The following LARGE1 variants were observed in gnomAD, a reference collection of about 807,000 sequenced individuals.
The protein encoded by LARGE1 is LARGE xylosyl- and glucuronyltransferase 1.
In LARGE1, 43 loss-of-function variants were observed where a neutral mutation model predicts 87.6. The observed-to-expected ratio is 0.49, with a 90% confidence interval of 0.38 to 0.63. LARGE1 has a LOEUF of 0.63. LARGE1 is among the 30% of genes least tolerant of loss of function. The pLI, the probability that LARGE1 is intolerant of heterozygous loss-of-function variation, is 0.00. For synonymous variants in LARGE1, 434 were observed against 394.6 expected (o/e 1.10, Z -1.18); for missense variants, 802 against 1,000.2 (o/e 0.80, Z 2.67).
chr22:33,344,223 C>T (rs1017294750), intron 9 of LARGE1, among the ~76,000 whole-genome samples: 1 of 152,178 alleles, frequency 6.6e-6, no homozygotes, highest in East Asian at 1.9e-4. Flanking sequence ...TCAGTTTTAA[C>T]CATCACACTC....
chr22:33,433,792 G>A (rs182077286), intron 6 of LARGE1, among the ~76,000 whole-genome samples: 4 of 152,200 alleles, frequency 2.6e-5, no homozygotes, highest in South Asian at 2.1e-4. Flanking sequence ...AAGCCCATCC[G>A]CACTTAAGAA....
At chr22:33,561,313 C>T (rs757478342) in intron 6 of LARGE1, among the ~76,000 whole-genome samples, 4 of 152,298 alleles carry the variant, frequency 2.6e-5, no homozygotes, top group East Asian at 1.9e-4. Context: ...TTCTCTGGTA[C>T]GCCAGGGAGA....
At chr22:33,703,398 C>T (rs1603206078) in intron 2 of LARGE1, among the ~76,000 whole-genome samples, 2 of 150,708 alleles carry the variant, frequency 1.3e-5, no homozygotes, top group Non-Finnish European at 3.0e-5. Flanking sequence ...TAGAGAGACA[C>T]ATCATGATAG....
intron 1 of LARGE1, among the ~76,000 whole-genome samples, chr22:33,836,680 G>C (rs565949342): frequency 3.9e-4 from 60 of 152,152 alleles, no homozygotes; most frequent in African/African-American, 1.4e-3. Context: ...AGCCACCTGG[G>C]TTCAAGCCTC....
chr22:33,471,987 T>C (rs546003238), intron 6 of LARGE1, among the ~76,000 whole-genome samples: 1 of 151,636 alleles, frequency 6.6e-6, no homozygotes, highest in Non-Finnish European at 1.5e-5. Flanking sequence ...GAGGTGGAGG[T>C]TGCAGTGAGC....
the LARGE1 span, among the ~76,000 whole-genome samples, chr22:33,108,293 T>C: frequency 1.3e-5 from 2 of 152,078 alleles, no homozygotes; most frequent in Admixed American, 6.5e-5. Context: ...GAAAGAAAAA[T>C]GGCTAAACAT....
chr22:33,291,022 G>A (rs1932442783), intron 12 of LARGE1, among the ~76,000 whole-genome samples: 1 of 151,074 alleles, frequency 6.6e-6, no homozygotes. Flanking sequence ...CTGGGCAACA[G>A]AGCGAGACTC....
downstream of LARGE1, among the ~76,000 whole-genome samples, chr22:33,270,011 A>G (rs1928164956): frequency 6.6e-6 from 1 of 151,972 alleles, no homozygotes. Context: ...TCTCAAAAAA[A>G]AAAAAAAAAG....
chr22:33,921,761 C>T (rs1055088509), upstream of LARGE1, among the ~76,000 whole-genome samples: 9 of 152,122 alleles, frequency 5.9e-5, no homozygotes, highest in African/African-American at 2.4e-5. This position sits in a 1 kb window ranked among gnomAD's most constrained non-coding sequence, Gnocchi z 4.1. Context: ...GCGCAACATC[C>T]CTTGAATGGA....
At chr22:33,196,900 C>T (rs1924112376) in intron 11 of LARGE1, among the ~76,000 whole-genome samples, 1 of 152,122 alleles carries the variant, frequency 6.6e-6, no homozygotes, top group Non-Finnish European at 1.5e-5. Flanking sequence ...CTACTCATGA[C>T]TAGCATAATG....
chr22:33,398,335 C>T (rs889458236), intron 7 of LARGE1, among the ~76,000 whole-genome samples: 10 of 151,908 alleles, frequency 6.6e-5, no homozygotes, highest in African/African-American at 2.4e-4. Flanking sequence ...ACAACTAATA[C>T]GAAGTTAAAA....
rs71187275 is a variant in LARGE1 at position 33,651,225 on chromosome 22, CAA to C, written c.107-559_107-558del. ...TGAAACCCGGTCTCTACTAAAAATA[CAA>C]AAAAAAAAAAAAAAATTAGCCGGGC... On this transcript the variant is annotated intron_variant, in intron 2 of 14. Coordinates refer to ENST00000397394, the MANE Select transcript of LARGE1 (RefSeq NM_133642.5). Among the ~76,000 whole-genome samples, 10 of 56,574 alleles carry C rather than the reference CAA, an allele frequency of 1.8e-4. 1 individual carries two copies. Among genetic ancestry groups the C allele is most frequent in the African/African-American group, 2.7e-4 (4 of 14,684 alleles). 37.1% of individuals were successfully genotyped at this position (56,574 alleles called of 152,430 possible). A position where few individuals can be genotyped will look rare whatever the true frequency, so the allele number is the denominator to read the frequency against.
At chr22:33,288,118 C>T (rs1361839676) in intron 12 of LARGE1, among the ~76,000 whole-genome samples, 4 of 152,172 alleles carry the variant, frequency 2.6e-5, no homozygotes, top group Non-Finnish European at 4.4e-5. Flanking sequence ...GCTATGGCGC[C>T]CAGTTACTGG....
At chr22:33,904,901 T>C (rs2065395552) in intron 1 of LARGE1, among the ~76,000 whole-genome samples, 1 of 152,010 alleles carries the variant, frequency 6.6e-6, no homozygotes, top group Non-Finnish European at 1.5e-5. Flanking sequence ...GAGGGCAATG[T>C]ATGAGCTTTA....
chr22:33,571,340 G>C (rs1004788972), intron 5 of LARGE1, among the ~76,000 whole-genome samples: 1 of 152,146 alleles, frequency 6.6e-6, no homozygotes, highest in African/African-American at 2.4e-5. Context: ...CGGTGTAAGT[G>C]ATTCTAGGGT....
At chr22:33,747,147 G>T (rs370555678) in intron 2 of LARGE1, among the ~76,000 whole-genome samples, 1 of 152,180 alleles carries the variant, frequency 6.6e-6, no homozygotes, top group African/African-American at 2.4e-5. Flanking sequence ...ACTCTCTCAG[G>T]TTCCTCTGAA....
intron 1 of LARGE1, among the ~76,000 whole-genome samples, chr22:33,805,872 T>C (rs921530385): frequency 6.6e-5 from 10 of 152,232 alleles, no homozygotes. Context: ...ACTGTCACTA[T>C]GAACTTTGTC....
chr22:33,462,238 C>T (rs913966241), intron 6 of LARGE1, among the ~76,000 whole-genome samples: 4 of 152,108 alleles, frequency 2.6e-5, no homozygotes, highest in Non-Finnish European at 4.4e-5. Context: ...AGTGGAATAC[C>T]TTCAGTGTGC....
intron 6 of LARGE1, among the ~76,000 whole-genome samples, chr22:33,484,191 T>C (rs1323025502): frequency 6.6e-6 from 1 of 152,162 alleles, no homozygotes; most frequent in African/African-American, 2.4e-5. Context: ...AGTTCTAATG[T>C]TCCTCTCACT....
Sources: allele counts gnomAD v4.1 joint callset (sites outside exome capture counted in the v4.1 genomes callset), GRCh38; gene constraint gnomAD v4.1.1; non-coding constraint Gnocchi (gnomAD v3.1); transcripts MANE v1.5; gene names NCBI Gene and HGNC (gene_info 2026-07-23, HGNC 2026-07-21).